TMPRSS11F: variants seen among roughly 807,000 people sequenced by gnomAD.
TMPRSS11F encodes the protein transmembrane serine protease 11F, also known as transmembrane protease serine 11F.
In TMPRSS11F, 47 loss-of-function variants were observed where a neutral mutation model predicts 60.2. The observed-to-expected ratio is 0.78, with a 90% CI of 0.62 to 1.00. The LOEUF is 1.00. Among genes scored for constraint, TMPRSS11F ranks in the 50% least tolerant of loss-of-function variants. TMPRSS11F has a pLI of 0.00. For missense variants in TMPRSS11F, 519 were observed against 522.9 expected (o/e 0.99, Z 0.07); for synonymous variants, 166 against 167.3 (o/e 0.99, Z 0.06).
At chr4:68,120,677 C>T (rs1192520645) in intron 1 of TMPRSS11F, among the ~76,000 whole-genome samples, 2 of 152,094 alleles carry the variant, frequency 1.3e-5, no homozygotes, top group Non-Finnish European at 2.9e-5. Flanking sequence ...CGTGAGCCAC[C>T]GCGCCCGGCC....
At position 68,059,388 on chromosome 4, in the gene TMPRSS11F, C is replaced by T; in HGVS notation, c.1096G>A (p.Gly366Ser). ...DVCNRKDVYD[G>S]LITPGMLCAG... ...CATAACATTCCTGGAGTTATCAGGC[C>T]ATCATACACATCCTTTCTGTTACAC... is the stretch of plus-strand genomic sequence containing the variant. Residue 366 changes from glycine (G) to serine (S), a missense_variant, in exon 9 of 10, where the codon GGC becomes AGC. Coordinates refer to ENST00000356291, the MANE Select transcript of TMPRSS11F (RefSeq NM_207407.2). The T allele has an allele frequency of 6.2e-7, 1 of 1,613,824 alleles. No individual in the cohort carries two copies. Among genetic ancestry groups the T allele is most frequent in the Non-Finnish European group, 8.5e-7 (1 of 1,179,942 alleles).
At chr4:68,072,996 G>A (rs1409611385) in intron 4 of TMPRSS11F, among the ~76,000 whole-genome samples, 1 of 152,036 alleles carries the variant, frequency 6.6e-6, no homozygotes, top group Non-Finnish European at 1.5e-5. Context: ...AATGAATCTG[G>A]CCAATGAAAT....
intron 7 of TMPRSS11F, among the ~76,000 whole-genome samples, chr4:68,065,510 TC>T (rs1723307430): frequency 6.6e-6 from 1 of 152,158 alleles, no homozygotes; most frequent in Non-Finnish European, 1.5e-5. Context: ...GGTCAGTCCC[TC>T]TTACTAGACT....
intron 3 of TMPRSS11F, 59 bp downstream of exon 3, chr4:68,090,464 A>G: frequency 6.6e-7 from 1 of 1,514,192 alleles, no homozygotes; most frequent in Admixed American, 2.3e-5. Flanking sequence ...TATAACACCC[A>G]CATTCAAAGT....
chr4:68,074,128 G>T (rs1450894610), intron 3 of TMPRSS11F, 119 bp from the exon 4 acceptor site: 1 of 551,946 alleles, frequency 1.8e-6, no homozygotes, highest in Non-Finnish European at 3.0e-6. Flanking sequence ...CTAGAGACTT[G>T]GGCAAAAAAA....
Position 68,084,840 on chromosome 4 carries a change from C to G in TMPRSS11F, c.282+5683G>C, listed in dbSNP as rs1373274512. On this transcript the variant is annotated intron_variant, in intron 3 of 9. Transcript: ENST00000356291. Reference sequence around the variant, plus strand: ...TGCTGGTGCGCTGCACCCACTAACTCGTCATCTAGCATTAGGTATATCTCC... The same window carrying G: ...TGCTGGTGCGCTGCACCCACTAACTGGTCATCTAGCATTAGGTATATCTCC... Among the ~76,000 whole-genome samples, 7 of 143,474 alleles carry G rather than the reference C, an allele frequency of 4.9e-5. No homozygotes were observed. The South Asian group carries it at 1.2e-3, about 24-fold the overall frequency. 94.1% of individuals were successfully genotyped at this position (143,474 alleles called of 152,430 possible).
intron 9 of TMPRSS11F, among the ~76,000 whole-genome samples, chr4:68,055,641 G>A (rs911567814): frequency 6.6e-6 from 1 of 152,066 alleles, no homozygotes; most frequent in African/African-American, 2.4e-5. Context: ...ATTCTACCAA[G>A]CATCTAAAGA....
At chr4:68,105,684 T>C (rs1413339628) in intron 1 of TMPRSS11F, among the ~76,000 whole-genome samples, 1 of 152,210 alleles carries the variant, frequency 6.6e-6, no homozygotes, top group South Asian at 2.1e-4. Flanking sequence ...TGACAGTTTA[T>C]AGTTAAGAAT....
At chr4:68,065,086 G>T in intron 7 of TMPRSS11F, 142 bp from the exon 8 acceptor site, 2 of 756,610 alleles carry the variant, frequency 2.6e-6, no homozygotes, top group Non-Finnish European at 2.0e-6. Flanking sequence ...TAACATAATA[G>T]GAAAAAAATT....
intron 8 of TMPRSS11F, among the ~76,000 whole-genome samples, chr4:68,060,507 C>T (rs1248673102): frequency 2.0e-5 from 2 of 97,762 alleles, no homozygotes; most frequent in Non-Finnish European, 1.8e-5. Flanking sequence ...CAGAGTGAGA[C>T]TCCAACTCAA....
At chr4:68,121,563 G>A (rs780284061) in intron 1 of TMPRSS11F, among the ~76,000 whole-genome samples, 1 of 152,044 alleles carries the variant, frequency 6.6e-6, no homozygotes, top group Non-Finnish European at 1.5e-5. Flanking sequence ...AACAGAATGT[G>A]CTATGGTTGT....
intron 1 of TMPRSS11F, among the ~76,000 whole-genome samples, chr4:68,108,899 G>C (rs908186398): frequency 1.3e-5 from 2 of 152,132 alleles, no homozygotes; most frequent in Non-Finnish European, 2.9e-5. Flanking sequence ...CCCAGGACCT[G>C]ACAGAATCAC....
intron 1 of TMPRSS11F, among the ~76,000 whole-genome samples, chr4:68,123,233 T>C (rs1724655626): frequency 6.6e-6 from 1 of 152,194 alleles, no homozygotes; most frequent in Non-Finnish European, 1.5e-5. Flanking sequence ...TTTGAAGAAG[T>C]AGTACACTGA....
chr4:68,087,064 C>G (rs150268930), intron 3 of TMPRSS11F, among the ~76,000 whole-genome samples: 1 of 152,010 alleles, frequency 6.6e-6, no homozygotes, highest in Admixed American at 6.6e-5. Context: ...GACAAAGATA[C>G]GTGAAAAAAG....
intron 8 of TMPRSS11F, chr4:68,062,086 G>A: frequency 2.2e-6 from 1 of 450,938 alleles, no homozygotes; most frequent in Non-Finnish European, 4.4e-6. Flanking sequence ...GATAGGGTTG[G>A]AGGACTACTT....
At chr4:68,078,620 A>C (rs1271523659) in intron 3 of TMPRSS11F, among the ~76,000 whole-genome samples, 6 of 152,236 alleles carry the variant, frequency 3.9e-5, no homozygotes, top group African/African-American at 1.4e-4. Flanking sequence ...TTAATGAATT[A>C]AGAATCAACA....
intron 3 of TMPRSS11F, among the ~76,000 whole-genome samples, chr4:68,075,499 GTCTC>G (rs1208871617): frequency 6.7e-6 from 1 of 148,786 alleles, no homozygotes; most frequent in Non-Finnish European, 1.5e-5. Context: ...CTCTCTGTCT[GTCTC>G]TCTCTCTCTC....
chr4:68,119,684 A>G (rs1305108143), intron 1 of TMPRSS11F, among the ~76,000 whole-genome samples: 1 of 152,198 alleles, frequency 6.6e-6, no homozygotes, highest in Non-Finnish European at 1.5e-5. Context: ...TGCTCCAAAA[A>G]AAGAGATTCC....
At position 68,098,887 on chromosome 4, in the gene TMPRSS11F, C is replaced by G; in HGVS notation, c.163G>C (p.Asp55His). The change falls in exon 2 of 10, where the codon GAT (aspartate) becomes CAT (histidine). Residue 55 changes from aspartate to histidine, a missense_variant and splice_region_variant. Transcript: ENST00000356291. The stretch of plus-strand genomic sequence containing the variant: ...ATGGAACTGTGACCTGGATACTTAC[C>G]CTCAACAACAAAATGAGTAACAATA... ...IGIVTHFVVE[D>H]DKSFYYLASF... The G allele has an allele frequency of 1.2e-6, 2 of 1,607,126 alleles. No individual in the cohort carries two copies. The highest frequency in any genetic ancestry group is 3.4e-5 in the Admixed American group (2 of 59,074).
Sources: allele counts gnomAD v4.1 joint callset (sites outside exome capture counted in the v4.1 genomes callset), GRCh38; gene constraint gnomAD v4.1.1; transcripts MANE v1.5; gene names NCBI Gene and HGNC (gene_info 2026-07-23, HGNC 2026-07-21).